The following ABHD18 variants were observed in gnomAD, a reference collection of about 807,000 sequenced individuals.
ABHD18 encodes the protein cardiolipin-specific deacylase, mitochondrial.
Under a neutral mutation model 65.9 loss-of-function variants are expected in ABHD18, and 55 were observed. The ratio of observed to expected loss-of-function variants is 0.84; its 90% CI spans 0.67 to 1.05. The LOEUF is 1.05. Ranked by LOEUF, ABHD18 falls within the 50% of genes least tolerant of loss-of-function variation. ABHD18 has a pLI of 0.00. For synonymous variants in ABHD18, 181 were observed against 180.2 expected (o/e 1.00, Z -0.04); for missense variants, 533 against 558.5 (o/e 0.95, Z 0.46).
Position 128,030,689 on chromosome 4 carries a change from A to C in ABHD18, c.1343+17A>C. On this transcript the variant is annotated intron_variant, in intron 12 of 12. Transcript: ENST00000645843. ...ACTCTTCAGGTAAGACGGCTGGTCT[A>C]AACATGTATTCGTTCATTTGTTGTT... 6.4e-7 allele frequency: 1 copy of C among 1,552,728 alleles called. No homozygotes were observed. Among genetic ancestry groups the C allele is most frequent in the Non-Finnish European group, 8.6e-7 (1 of 1,160,598 alleles).
intron 3 of ABHD18, among the ~76,000 whole-genome samples, chr4:127,985,907 C>G (rs572226965): frequency 6.6e-6 from 1 of 152,060 alleles, no homozygotes; most frequent in East Asian, 1.9e-4. Flanking sequence ...TCCAGCTACT[C>G]GGGAGGCTGA....
intron 7 of ABHD18, among the ~76,000 whole-genome samples, chr4:128,016,014 G>A (rs928876702): frequency 1.4e-5 from 2 of 147,690 alleles, no homozygotes; most frequent in African/African-American, 2.5e-5. Context: ...GTGCAGTGGC[G>A]CAATCTCTGG....
chr4:128,017,792 A>G (rs1236750784), intron 8 of ABHD18, among the ~76,000 whole-genome samples: 1 of 152,196 alleles, frequency 6.6e-6, no homozygotes, highest in Non-Finnish European at 1.5e-5. Flanking sequence ...TTGCTGTTAC[A>G]TTGGTGAAGA....
At chr4:127,994,135 C>T (rs1378100587) in intron 4 of ABHD18, among the ~76,000 whole-genome samples, 4 of 152,128 alleles carry the variant, frequency 2.6e-5, no homozygotes, top group Non-Finnish European at 5.9e-5. Context: ...CGTTAAAGAA[C>T]AGTTTTAAGA....
chr4:127,986,768 G>C (rs1435969864), intron 3 of ABHD18, among the ~76,000 whole-genome samples: 1 of 152,126 alleles, frequency 6.6e-6, no homozygotes, highest in African/African-American at 2.4e-5. Context: ...ATTTCCTTGT[G>C]GTTCTGGCTA....
intron 9 of ABHD18, among the ~76,000 whole-genome samples, chr4:128,020,575 A>G (rs1756324353): frequency 6.6e-6 from 1 of 152,184 alleles, no homozygotes; most frequent in South Asian, 2.1e-4. Flanking sequence ...AAAAATTCAG[A>G]AGGAAAGCAG....
At position 128,028,456 on chromosome 4, in the gene ABHD18, T is replaced by C. The variant is rs1211910311; in HGVS notation, c.802-19T>C. 1.4e-6 allele frequency: 2 copies of C among 1,455,012 alleles called. No homozygotes were observed. The highest frequency in any genetic ancestry group is 1.8e-6 in the Non-Finnish European group (2 of 1,104,958). The allele number at this position is 1,455,012 out of a possible 1,614,324, so 90.1% of individuals were successfully genotyped here. On this transcript the variant is annotated intron_variant, in intron 10 of 12. Coordinates refer to ENST00000645843, the MANE Select transcript of ABHD18 (RefSeq NM_001358451.3). ...CTATTTTATATTAAATAATGTTTTCTTTCCTTTCATATGTTCAGACAGATT... is the reference window on the plus strand; with the variant it reads ...CTATTTTATATTAAATAATGTTTTCCTTCCTTTCATATGTTCAGACAGATT...
chr4:128,006,959 A>G (rs528116269), intron 4 of ABHD18, among the ~76,000 whole-genome samples: 7 of 152,176 alleles, frequency 4.6e-5, no homozygotes, highest in Non-Finnish European at 8.8e-5. Flanking sequence ...CAGCCTGACT[A>G]ACATGGAGAA....
At chr4:128,012,377 TC>T (rs1345187410) in intron 7 of ABHD18, among the ~76,000 whole-genome samples, 1 of 152,192 alleles carries the variant, frequency 6.6e-6, no homozygotes, top group Admixed American at 6.5e-5. Flanking sequence ...CTCTTTTCAG[TC>T]TTTTAAAATG....
intron 12 of ABHD18, among the ~76,000 whole-genome samples, chr4:128,032,660 G>A (rs1296131667): frequency 6.6e-6 from 1 of 152,144 alleles, no homozygotes; most frequent in Non-Finnish European, 1.5e-5. Context: ...TCCCCCTGGA[G>A]GCAGAGGTTG....
intron 2 of ABHD18, 74 bp downstream of exon 2, chr4:127,983,121 A>C: frequency 1.0e-6 from 1 of 1,000,738 alleles, no homozygotes; most frequent in East Asian, 2.6e-5. Flanking sequence ...TTGTTATAAA[A>C]TCCTTTACTC....
intron 1 of ABHD18, among the ~76,000 whole-genome samples, chr4:127,976,789 C>T (rs1302095336): frequency 1.1e-4 from 17 of 152,130 alleles, no homozygotes; most frequent in Admixed American, 9.8e-4. Flanking sequence ...CGTCCGTAAT[C>T]CCAGCACTTT....
intron 4 of ABHD18, among the ~76,000 whole-genome samples, chr4:128,002,719 C>A (rs954701886): frequency 2.6e-5 from 4 of 152,230 alleles, no homozygotes; most frequent in Admixed American, 6.5e-5. Context: ...TCTGGGCTCA[C>A]GACAAGCCCT....
intron 4 of ABHD18, among the ~76,000 whole-genome samples, chr4:127,993,514 C>T (rs1751262853): frequency 6.7e-6 from 1 of 149,500 alleles, no homozygotes; most frequent in Admixed American, 6.7e-5. Context: ...TTTTTCCTTT[C>T]CCCCGTCATT....
chr4:127,996,500 A>G (rs1431879910), intron 4 of ABHD18, among the ~76,000 whole-genome samples: 2 of 152,198 alleles, frequency 1.3e-5, no homozygotes, highest in African/African-American at 4.8e-5. Context: ...TTCAAAGGGC[A>G]GTAAAGATCA....
At chr4:127,987,008 T>G (rs1399466224) in intron 3 of ABHD18, among the ~76,000 whole-genome samples, 1 of 152,242 alleles carries the variant, frequency 6.6e-6, no homozygotes, top group African/African-American at 2.4e-5. Context: ...AACACTAATT[T>G]GTTGCATTAT....
chr4:127,973,941 C>T (rs1264602862), intron 1 of ABHD18, among the ~76,000 whole-genome samples: 1 of 150,652 alleles, frequency 6.6e-6, no homozygotes, highest in African/African-American at 2.4e-5. Flanking sequence ...TTCAAGCCTA[C>T]AGATGAAAAT....
In ABHD18 at chr4:128,020,082, G is replaced by C. The variant is rs757444653; in HGVS notation, c.612G>C (p.Met204Ile). The change falls in exon 9 of 13, where the codon ATG becomes ATC. Residue 204 changes from methionine to isoleucine, a missense_variant and splice_region_variant. Met to Ile is a conservative substitution (Grantham distance 10). Transcript: ENST00000645843. ...GCTCTCTATCTGTTATATTACAGAT[G>C]GCTTCCTTAGCGGTATCCAACTGGC... ...GMTGISMGGH[M>I]ASLAVSNWPK... 1.3e-5 allele frequency: 21 copies of C among 1,608,458 alleles called. No homozygotes were observed. The highest frequency in any genetic ancestry group is 1.6e-5 in the Non-Finnish European group (19 of 1,175,950).
rs545369837 is a variant in ABHD18 at position 128,036,840 on chromosome 4, C to A, written c.*1027C>A. The A allele has an allele frequency of 6.6e-6, 1 of 150,786 alleles. No individual in the cohort carries two copies. Among genetic ancestry groups the A allele is most frequent in the East Asian group, 2.0e-4 (1 of 5,074 alleles). 9.3% of individuals were successfully genotyped at this position (150,786 alleles called of 1,614,324 possible). On this transcript the variant is annotated 3_prime_UTR_variant, in exon 13 of 13. Transcript: ENST00000645843. Reference sequence around the variant, plus strand: ...GGGTTTTTAAAAAATGCCAATAGGCCGGGTGCAGTGGCTCATGCCTGTAAT... The same window carrying A: ...GGGTTTTTAAAAAATGCCAATAGGCAGGGTGCAGTGGCTCATGCCTGTAAT...
Sources: gnomAD v4.1 joint callset for allele counts (sites outside exome capture counted in the v4.1 genomes callset) on GRCh38, gnomAD v4.1.1 for gene constraint, MANE v1.5 for transcripts, NCBI Gene and HGNC (gene_info 2026-07-23, HGNC 2026-07-21) for gene names.